RALGPS1: variants seen among roughly 807,000 people sequenced by gnomAD.
RALGPS1 encodes Ral GEF with PH domain and SH3 binding motif 1, also known as ras-specific guanine nucleotide-releasing factor RalGPS1.
Under a neutral mutation model 78.8 loss-of-function variants are expected in RALGPS1, and 19 were observed. The observed-to-expected ratio is 0.24, with a 90% CI of 0.17 to 0.35. RALGPS1 has a LOEUF of 0.35. Among genes scored for constraint, RALGPS1 ranks in the 10% least tolerant of loss-of-function variants. RALGPS1 has a pLI of 1.00. For missense variants in RALGPS1, 454 were observed against 688.3 expected, an observed-to-expected ratio of 0.66 and a Z score of 3.81; for synonymous variants, 228 against 256.3, an observed-to-expected ratio of 0.89 and a Z score of 1.06.
At chr9:126,952,910 G>C (rs909034499) in intron 1 of RALGPS1, among the ~76,000 whole-genome samples, 1 of 152,132 alleles carries the variant, frequency 6.6e-6, no homozygotes, top group Non-Finnish European at 1.5e-5. Context: ...GCGGAAGTGG[G>C]CTTGGAAATG....
intron 4 of RALGPS1, among the ~76,000 whole-genome samples, chr9:127,022,567 G>T (rs1437433289): frequency 1.3e-5 from 2 of 150,404 alleles, no homozygotes; most frequent in Non-Finnish European, 1.5e-5. Flanking sequence ...CTGGGACCTG[G>T]CCTCCCACCC....
intron 4 of RALGPS1, among the ~76,000 whole-genome samples, chr9:127,009,445 C>T (rs759052996): frequency 6.6e-6 from 1 of 152,230 alleles, no homozygotes; most frequent in Non-Finnish European, 1.5e-5. Context: ...CTCCACCTAA[C>T]AGGGCCACAT....
In RALGPS1 at chr9:127,108,478, T is replaced by G. The variant is rs377330474; in HGVS notation, c.610+39122T>G. On this transcript the variant is annotated intron_variant, in intron 8 of 18. Transcript: ENST00000259351. The stretch of plus-strand genomic sequence containing the variant: ...GTTGAGCAGCTCTAGCTCCTGCTTA[T>G]GCACTCGGTTCTCCAGAAGCACCTC... 6.2e-6 allele frequency: 10 copies of G among 1,612,640 alleles called. No individual in the cohort carries two copies. The highest frequency in any genetic ancestry group is 8.5e-6 in the Non-Finnish European group (10 of 1,179,628).
At chr9:126,977,397 C>G (rs1481494532) in intron 3 of RALGPS1, among the ~76,000 whole-genome samples, 1 of 152,090 alleles carries the variant, frequency 6.6e-6, no homozygotes, top group Non-Finnish European at 1.5e-5. Flanking sequence ...TGAAAATTTT[C>G]AAATAAAACT....
intron 8 of RALGPS1, among the ~76,000 whole-genome samples, chr9:127,123,616 A>G (rs1323850878): frequency 6.6e-6 from 1 of 152,198 alleles, no homozygotes; most frequent in Non-Finnish European, 1.5e-5. Flanking sequence ...TCTTCTAGGA[A>G]CAAACACTGG....
At position 126,965,847 on chromosome 9, in the gene RALGPS1, A is replaced by G; in HGVS notation, c.61A>G (p.Ser21Gly). ...CATCTTTCCCTGCTCTCCACAGGGC[A>G]GCAGCAGCTCGGACTCTCTGGAGGG... ...VLVTSATPQGSSSSDSLEGQS... is the reference protein window; with the variant it reads ...VLVTSATPQGGSSSDSLEGQS... The change falls in exon 3 of 19, where the codon AGC (serine) becomes GGC (glycine). Residue 21 changes from serine to glycine, a missense_variant. By Grantham distance (56) the Ser-to-Gly change is moderately conservative. Transcript: ENST00000259351. The G allele has an allele frequency of 1.9e-6, 3 of 1,613,272 alleles. No individual in the cohort carries two copies. Among genetic ancestry groups the G allele is most frequent in the East Asian group, 2.2e-5 (1 of 44,880 alleles).
intron 14 of RALGPS1, among the ~76,000 whole-genome samples, chr9:127,208,224 C>T (rs1336609603): frequency 6.6e-6 from 1 of 152,220 alleles, no homozygotes; most frequent in Non-Finnish European, 1.5e-5. Flanking sequence ...CTGGGAGATC[C>T]CCAAGCCTAA....
intron 8 of RALGPS1, among the ~76,000 whole-genome samples, chr9:127,143,829 G>A (rs1004099814): frequency 3.3e-5 from 5 of 152,194 alleles, no homozygotes; most frequent in Admixed American, 2.0e-4. Flanking sequence ...TAGGTGCTCC[G>A]TAATTACCAA....
At chr9:127,161,585 A>G (rs1260538200) in intron 8 of RALGPS1, among the ~76,000 whole-genome samples, 1 of 152,174 alleles carries the variant, frequency 6.6e-6, no homozygotes, top group African/African-American at 2.4e-5. Context: ...CAGACTGACC[A>G]CAGTGGACAT....
chr9:127,127,750 A>G (rs961691406), intron 8 of RALGPS1, among the ~76,000 whole-genome samples: 8 of 152,296 alleles, frequency 5.3e-5, no homozygotes, highest in Admixed American at 2.0e-4. Flanking sequence ...TAACAAAAAG[A>G]TTGAGACTTA....
At chr9:127,103,373 G>A (rs1311835291) in intron 8 of RALGPS1, among the ~76,000 whole-genome samples, 1 of 152,128 alleles carries the variant, frequency 6.6e-6, no homozygotes, top group African/African-American at 2.4e-5. Flanking sequence ...AGCAATGTGG[G>A]GACCTCCTCA....
rs115938089 is a variant in RALGPS1 at position 127,043,086 on chromosome 9, C to G, written c.301-6957C>G. On this transcript the variant is annotated intron_variant, in intron 5 of 18. Coordinates refer to ENST00000259351, the MANE Select transcript of RALGPS1 (RefSeq NM_014636.3). The stretch of plus-strand genomic sequence containing the variant: ...GGAAGACTCAATACTGTTAAGATGT[C>G]AGTTCTTCCCAACTTGATCAATAGA... Among the ~76,000 whole-genome samples the G allele has an allele frequency of 2.4e-3, 371 of 152,304 alleles. 3 individuals carry two copies. Among genetic ancestry groups the G allele is most frequent in the African/African-American group, 8.4e-3 (350 of 41,582 alleles).
rs200521042 is a variant in RALGPS1 at position 127,179,374 on chromosome 9, T to C, written c.910+4592T>C. 3.7e-4 allele frequency among the ~76,000 whole-genome samples: 57 copies of C among 152,240 alleles called. 1 individual carries two copies. The East Asian group carries it at 0.01, about 28-fold the overall frequency. ...GGAAGGGTGGGGCCAGAGGGGCAGC[T>C]CCAGGGAGGCCTTTCTGGACCTGGC... On this transcript the variant is annotated intron_variant, in intron 11 of 18. Coordinates refer to ENST00000259351, the MANE Select transcript of RALGPS1 (RefSeq NM_014636.3).
chr9:127,089,982 A>G (rs2052269139), intron 8 of RALGPS1, among the ~76,000 whole-genome samples: 1 of 152,168 alleles, frequency 6.6e-6, no homozygotes, highest in African/African-American at 2.4e-5. Context: ...GGCCCAACAG[A>G]GCAGGTGGCC....
chr9:126,948,993 A>T (rs1248535791), intron 1 of RALGPS1, among the ~76,000 whole-genome samples: 2 of 150,616 alleles, frequency 1.3e-5, no homozygotes, highest in East Asian at 2.0e-4. Flanking sequence ...CAGTCCCCAG[A>T]GTGTGATGTT....
chr9:126,982,818 CCTTCTTCTTCCT>C (rs1180272381), intron 4 of RALGPS1, among the ~76,000 whole-genome samples: 9 of 93,110 alleles, frequency 9.7e-5, no homozygotes, highest in African/African-American at 2.1e-4. Flanking sequence ...CTTTCTTCCT[CCTTCTTCTTCCT>C]CTTCTTCTTC....
intron 1 of RALGPS1, among the ~76,000 whole-genome samples, chr9:126,936,054 T>C (rs1294094195): frequency 6.6e-6 from 1 of 152,236 alleles, no homozygotes; most frequent in Admixed American, 6.5e-5. Context: ...AGAATCTGTT[T>C]CCATTCCTCT....
chr9:127,161,961 C>G (rs774678835), intron 8 of RALGPS1, among the ~76,000 whole-genome samples: 66 of 152,314 alleles, frequency 4.3e-4, no homozygotes, highest in Admixed American at 3.9e-4. Flanking sequence ...AATCGATAAT[C>G]TGGGCAAAGC....
intron 5 of RALGPS1, among the ~76,000 whole-genome samples, chr9:127,034,951 G>C (rs971277958): frequency 7.2e-5 from 11 of 152,160 alleles, no homozygotes; most frequent in African/African-American, 2.7e-4. Context: ...TCAACTTCCA[G>C]TCAGATCTCA....
Sources: gnomAD v4.1 joint callset for allele counts (sites outside exome capture counted in the v4.1 genomes callset) on GRCh38, gnomAD v4.1.1 for gene constraint, MANE v1.5 for transcripts, NCBI Gene and HGNC (gene_info 2026-07-23, HGNC 2026-07-21) for gene names.